Variants in ST8SIA4 observed in about 807,000 individuals in gnomAD.
ST8SIA4 encodes CMP-N-acetylneuraminate-poly-alpha-2,8-sialyltransferase.
ST8SIA4 carries 15 observed loss-of-function variants against 33.9 expected under a neutral mutation model. The observed-to-expected ratio is 0.44, with a 90% confidence interval of 0.30 to 0.68. The LOEUF is 0.68. Ranked by LOEUF, ST8SIA4 falls within the 30% of genes least tolerant of loss-of-function variation. The pLI, the probability that ST8SIA4 is intolerant of heterozygous loss-of-function variation, is 0.10. For synonymous variants in ST8SIA4, 171 were observed against 151.2 expected, an observed-to-expected ratio of 1.13 and a Z score of -0.96; for missense variants, 321 against 428.0, an observed-to-expected ratio of 0.75 and a Z score of 2.21.
intron 4 of ST8SIA4, among the ~76,000 whole-genome samples, chr5:100,821,652 G>A (rs977953921): frequency 1.1e-5 from 1 of 93,632 alleles, no homozygotes; most frequent in African/African-American, 3.3e-5. Context: ...ATTGAATAAT[G>A]TAACATTCTT....
intron 3 of ST8SIA4, among the ~76,000 whole-genome samples, chr5:100,860,671 G>T (rs1751917052): frequency 6.6e-6 from 1 of 152,098 alleles, no homozygotes; most frequent in Non-Finnish European, 1.5e-5. Flanking sequence ...CATGTCCAAG[G>T]GCATATAGGT....
chr5:100,873,473 A>G (rs1288177007), intron 3 of ST8SIA4, among the ~76,000 whole-genome samples: 2 of 152,128 alleles, frequency 1.3e-5, no homozygotes, highest in Non-Finnish European at 2.9e-5. Flanking sequence ...AAGACTCACT[A>G]TCTCTAGTAG....
chr5:100,895,584 C>T lies in ST8SIA4; in HGVS notation c.245+70G>A. On this transcript the variant is annotated intron_variant, in intron 2 of 4. Coordinates refer to ENST00000231461, the MANE Select transcript of ST8SIA4 (RefSeq NM_005668.6). ...TAAACCATAAATCCAGTGTTGAATA[C>T]AAGTTTGCCAAGCCCAACGTATTTG... 2.0e-6 allele frequency: 3 copies of T among 1,471,678 alleles called. No individual in the cohort carries two copies. The South Asian group carries it at 3.9e-5, about 19-fold the overall frequency. 91.2% of individuals were successfully genotyped at this position (1,471,678 alleles called of 1,614,324 possible).
At chr5:100,888,226 T>C (rs1006613765) in intron 2 of ST8SIA4, among the ~76,000 whole-genome samples, 1 of 151,542 alleles carries the variant, frequency 6.6e-6, no homozygotes, top group Admixed American at 6.6e-5. Context: ...TATATATATA[T>C]GGCTTTAATA....
chr5:100,852,114 CTTTTTTTTTTTTTTTT>C (rs773074391), intron 4 of ST8SIA4, among the ~76,000 whole-genome samples: 2 of 83,446 alleles, frequency 2.4e-5, no homozygotes, highest in Non-Finnish European at 4.2e-5. Context: ...CTCCACTCTT[CTTTTTTTTTTTTTTTT>C]TTTTTTTTGA....
chr5:100,847,297 G>A (rs1211260537), intron 4 of ST8SIA4, among the ~76,000 whole-genome samples: 1 of 151,896 alleles, frequency 6.6e-6, no homozygotes, highest in Non-Finnish European at 1.5e-5. Flanking sequence ...TGTGACTTGA[G>A]TTGATTGAAT....
At chr5:100,816,556 C>A (rs1750922622) in intron 4 of ST8SIA4, 2 of 521,816 alleles carry the variant, frequency 3.8e-6, no homozygotes, top group African/African-American at 2.0e-5. Flanking sequence ...TAATTTTATA[C>A]CAACCTAATA....
At chr5:100,884,489 G>A (rs1278960544) in intron 3 of ST8SIA4, among the ~76,000 whole-genome samples, 3 of 152,166 alleles carry the variant, frequency 2.0e-5, no homozygotes, top group Non-Finnish European at 4.4e-5. Context: ...AAACCTATAG[G>A]CTTGCCATAG....
At chr5:100,872,841 A>G (rs1752225789) in intron 3 of ST8SIA4, among the ~76,000 whole-genome samples, 1 of 150,850 alleles carries the variant, frequency 6.6e-6, no homozygotes, top group Admixed American at 6.6e-5. Flanking sequence ...ACCTCAGTGT[A>G]CCAATCTTGG....
intron 4 of ST8SIA4, among the ~76,000 whole-genome samples, chr5:100,829,095 T>A (rs1030167607): frequency 6.6e-6 from 1 of 152,250 alleles, no homozygotes; most frequent in Non-Finnish European, 1.5e-5. Context: ...GCGAATATTC[T>A]GCGCATAGGA....
At chr5:100,855,870 C>T (rs1387197078) in intron 4 of ST8SIA4, among the ~76,000 whole-genome samples, 1 of 152,118 alleles carries the variant, frequency 6.6e-6, no homozygotes, top group East Asian at 1.9e-4. Flanking sequence ...TGTTCATGAA[C>T]ACACATAAAT....
intron 3 of ST8SIA4, chr5:100,885,639 A>T (rs904831593): frequency 1.1e-6 from 1 of 939,758 alleles, no homozygotes; most frequent in East Asian, 1.2e-4. Flanking sequence ...CTGTACAGAT[A>T]TAAAAATTGA....
chr5:100,862,858 A>G (rs559868932), intron 3 of ST8SIA4, among the ~76,000 whole-genome samples: 2 of 152,358 alleles, frequency 1.3e-5, no homozygotes, highest in South Asian at 4.1e-4. Context: ...CCAAGAGTAC[A>G]TAGTTTTAAG....
At chr5:100,883,852 G>A (rs148301146) in intron 3 of ST8SIA4, among the ~76,000 whole-genome samples, 4 of 152,274 alleles carry the variant, frequency 2.6e-5, no homozygotes, top group African/African-American at 9.6e-5. Context: ...GGAACTGTAA[G>A]TCCAATTAAA....
At chr5:100,837,763 G>A (rs1751392838) in intron 4 of ST8SIA4, among the ~76,000 whole-genome samples, 1 of 151,812 alleles carries the variant, frequency 6.6e-6, no homozygotes, top group African/African-American at 2.4e-5. Flanking sequence ...CTGCCTGAAA[G>A]GAATCTCTAC....
chr5:100,856,010 G>T, intron 4 of ST8SIA4, 93 bp downstream of exon 4: 2 of 1,168,614 alleles, frequency 1.7e-6, no homozygotes, highest in Non-Finnish European at 2.4e-6. Flanking sequence ...TCCATTTGGA[G>T]ATTTTACTGA....
At chr5:100,844,071 T>A (rs1210406623) in intron 4 of ST8SIA4, among the ~76,000 whole-genome samples, 2 of 151,850 alleles carry the variant, frequency 1.3e-5, no homozygotes, top group East Asian at 3.9e-4. Flanking sequence ...TGCCAACAAA[T>A]AGGCACAATG....
intron 4 of ST8SIA4, among the ~76,000 whole-genome samples, chr5:100,831,866 G>C (rs146737572): frequency 3.3e-5 from 5 of 152,222 alleles, no homozygotes; most frequent in African/African-American, 1.2e-4. Context: ...GTGTTATGGG[G>C]AGAGGGGCTG....
intron 3 of ST8SIA4, among the ~76,000 whole-genome samples, chr5:100,875,335 A>G (rs1051128972): frequency 3.9e-5 from 6 of 152,208 alleles, no homozygotes; most frequent in African/African-American, 1.4e-4. Context: ...CTTTAACGTG[A>G]CCAATGATAT....
Sources: allele counts gnomAD v4.1 joint callset (sites outside exome capture counted in the v4.1 genomes callset), GRCh38; gene constraint gnomAD v4.1.1; transcripts MANE v1.5; gene names NCBI Gene and HGNC (gene_info 2026-07-23, HGNC 2026-07-21).